Variants in MGAT4C observed in about 807,000 individuals in gnomAD.
The protein encoded by MGAT4C is MGAT4 family member C.
MGAT4C carries 19 observed loss-of-function variants against 40.1 expected under a neutral mutation model. The observed-to-expected ratio is 0.47, with a 90% CI of 0.33 to 0.70. The LOEUF (loss-of-function observed/expected upper bound fraction) is 0.70, where lower values mean the gene tolerates loss of function less well. MGAT4C is among the 30% of genes least tolerant of loss of function. The pLI, the probability that MGAT4C is intolerant of heterozygous loss-of-function variation, is 0.02. For synonymous variants in MGAT4C, 181 were observed against 187.1 expected (o/e 0.97, Z 0.27); for missense variants, 491 against 563.2 (o/e 0.87, Z 1.30).
chr12:86,589,777 C>A (rs1297437439), intron 2 of MGAT4C, among the ~76,000 whole-genome samples: 1 of 151,956 alleles, frequency 6.6e-6, no homozygotes, highest in African/African-American at 2.4e-5. Flanking sequence ...TGTACTCCAG[C>A]ATATAAACAG....
intron 1 of MGAT4C, among the ~76,000 whole-genome samples, chr12:86,781,221 T>C (rs1399906708): frequency 3.3e-5 from 5 of 152,180 alleles, no homozygotes; most frequent in African/African-American, 1.2e-4. Context: ...TTTAGTTCTT[T>C]GAGAACTCTT....
chr12:86,721,764 C>T (rs1253664841), intron 2 of MGAT4C, among the ~76,000 whole-genome samples: 1 of 151,894 alleles, frequency 6.6e-6, no homozygotes, highest in Non-Finnish European at 1.5e-5. Flanking sequence ...TAAGATTGAA[C>T]AAAAAAACAC....
At chr12:86,304,526 G>C (rs1953888906) in intron 4 of MGAT4C, among the ~76,000 whole-genome samples, 1 of 150,558 alleles carries the variant, frequency 6.6e-6, no homozygotes, top group African/African-American at 2.5e-5. Flanking sequence ...AAATGACCAA[G>C]CTTTTAATCA....
intron 2 of MGAT4C, among the ~76,000 whole-genome samples, chr12:86,667,820 C>T (rs1024415526): frequency 6.6e-6 from 1 of 152,282 alleles, no homozygotes; most frequent in Non-Finnish European, 1.5e-5. Context: ...TATGAGTTGA[C>T]TTTGACCTGT....
chr12:86,611,456 TGATA>T (rs5799787), intron 2 of MGAT4C, among the ~76,000 whole-genome samples: 1,846 of 143,648 alleles, frequency 0.013, 9 homozygotes, highest in South Asian at 0.02. Flanking sequence ...GATAGATAGA[TGATA>T]GATAGATAGA....
At chr12:86,480,798 T>A (rs918173016) in intron 2 of MGAT4C, among the ~76,000 whole-genome samples, 9 of 151,840 alleles carry the variant, frequency 5.9e-5, no homozygotes, top group Non-Finnish European at 1.3e-4. Context: ...TGATTTTTAT[T>A]CCTGTTGATG....
chr12:86,459,618 T>C (rs1233282483), intron 2 of MGAT4C, among the ~76,000 whole-genome samples: 1 of 151,672 alleles, frequency 6.6e-6, no homozygotes, highest in East Asian at 1.9e-4. Flanking sequence ...TTATAAATTA[T>C]TTATGATCCT....
Position 85,980,274 on chromosome 12 carries a change from G to T in MGAT4C, c.452C>A (p.Ala151Asp), listed in dbSNP as rs777409272. 6.2e-7 allele frequency: 1 copy of T among 1,613,918 alleles called. No individual in the cohort carries two copies. Residue 151 changes from alanine to aspartate, a missense_variant, in exon 5 of 5, where the codon GCC (alanine) becomes GAC (aspartate). Physicochemically the swap from Ala to Asp is moderately radical, Grantham distance 126 (BLOSUM62 -2). Transcript: ENST00000611864. ...LADFNSSWRD[A>D]MVQDITQKFA... ...TTTCTGTGTAATATCCTGGACCATG[G>T]CATCACGCCAGGAAGAATTAAAGTC...
chr12:86,351,617 G>A (rs1032738360), intron 3 of MGAT4C, among the ~76,000 whole-genome samples: 6 of 151,794 alleles, frequency 4.0e-5, no homozygotes, highest in Non-Finnish European at 8.8e-5. Context: ...TTCATTTCTG[G>A]TAATTAACCC....
At chr12:86,764,660 A>G (rs1951470841) in intron 1 of MGAT4C, among the ~76,000 whole-genome samples, 1 of 151,574 alleles carries the variant, frequency 6.6e-6, no homozygotes, top group Non-Finnish European at 1.5e-5. Context: ...TACTCCTCTG[A>G]GACAAAACTT....
In MGAT4C at chr12:86,306,867, C is replaced by T. The variant is rs115761420; in HGVS notation, c.-57+27198G>A. ...GATACGTGATAAAGAAAGTATAGTA[C>T]AATGTAGCAAAATATAAATTAGGTA... On this transcript the variant is annotated intron_variant, in intron 4 of 7. Coordinates refer to the MGAT4C transcript ENST00000548651. Among the ~76,000 whole-genome samples the T allele has an allele frequency of 3.2e-3, 484 of 150,196 alleles. 43 individuals are homozygous for T. Among genetic ancestry groups the T allele is most frequent in the African/African-American group, 0.012 (462 of 39,870 alleles).
intron 1 of MGAT4C, among the ~76,000 whole-genome samples, chr12:86,134,499 A>T (rs962826724): frequency 6.6e-6 from 1 of 152,058 alleles, no homozygotes; most frequent in African/African-American, 2.4e-5. Context: ...CCCTTCATCC[A>T]CCAGTTTTTA....
chr12:86,677,910 C>T (rs1593105757), intron 2 of MGAT4C, among the ~76,000 whole-genome samples: 1 of 152,112 alleles, frequency 6.6e-6, no homozygotes, highest in Admixed American at 6.6e-5. Flanking sequence ...TTTTTCCTAA[C>T]CTCTAAAGAT....
intron 2 of MGAT4C, among the ~76,000 whole-genome samples, chr12:86,019,055 C>CTGGT (rs926775421): frequency 6.6e-6 from 1 of 151,852 alleles, no homozygotes; most frequent in African/African-American, 2.4e-5. Flanking sequence ...GAAAAAGGGC[C>CTGGT]TGGTTAGAAT....
intron 1 of MGAT4C, among the ~76,000 whole-genome samples, chr12:86,768,639 A>C (rs1260819338): frequency 1.9e-4 from 29 of 151,992 alleles, no homozygotes; most frequent in Non-Finnish European, 1.3e-4. Context: ...TACAGTAACC[A>C]AAACAGCATG....
intron 3 of MGAT4C, among the ~76,000 whole-genome samples, chr12:86,345,815 T>C (rs1355803931): frequency 6.6e-6 from 1 of 152,230 alleles, no homozygotes; most frequent in Non-Finnish European, 1.5e-5. Flanking sequence ...TCTAGATCCC[T>C]GAGGAATCGC....
chr12:86,670,294 A>T (rs1964221927), intron 2 of MGAT4C, among the ~76,000 whole-genome samples: 1 of 152,144 alleles, frequency 6.6e-6, no homozygotes, highest in African/African-American at 2.4e-5. Flanking sequence ...AAGTTTGAAA[A>T]TCAACACAAA....
intron 2 of MGAT4C, among the ~76,000 whole-genome samples, chr12:86,537,904 T>C (rs1170472555): frequency 6.6e-6 from 1 of 152,012 alleles, no homozygotes; most frequent in Non-Finnish European, 1.5e-5. Flanking sequence ...CTGGCCAACA[T>C]GGCAAAACCC....
At chr12:86,633,454 G>A (rs574171803) in intron 2 of MGAT4C, among the ~76,000 whole-genome samples, 59 of 152,060 alleles carry the variant, frequency 3.9e-4, no homozygotes, top group African/African-American at 1.4e-3. Flanking sequence ...CAAACTTGGT[G>A]GCATACTTTG....
Sources: gnomAD v4.1 joint callset for allele counts (sites outside exome capture counted in the v4.1 genomes callset) on GRCh38, gnomAD v4.1.1 for gene constraint, MANE v1.5 for transcripts, NCBI Gene and HGNC (gene_info 2026-07-23, HGNC 2026-07-21) for gene names.